The following CSRNP3 variants were observed in gnomAD, a reference collection of about 807,000 sequenced individuals.
CSRNP3 encodes cysteine and serine rich nuclear protein 3.
CSRNP3 carries 12 observed loss-of-function variants against 48.0 expected under a neutral mutation model. That is an observed-to-expected ratio of 0.25 (90% CI 0.16 to 0.41). The LOEUF (loss-of-function observed/expected upper bound fraction) is 0.41, where lower values mean the gene tolerates loss of function less well. Among genes scored for constraint, CSRNP3 ranks in the 10% least tolerant of loss-of-function variants. CSRNP3 has a pLI of 1.00. For synonymous variants in CSRNP3, 263 were observed against 269.7 expected (o/e 0.98, Z 0.24); for missense variants, 580 against 724.4 (o/e 0.80, Z 2.29).
intron 4 of CSRNP3, among the ~76,000 whole-genome samples, chr2:165,598,980 C>T (rs2105298605): frequency 6.6e-6 from 1 of 152,154 alleles, no homozygotes. Context: ...TGGCTCATGA[C>T]TATAATCCCA....
chr2:165,504,119 C>A (rs1367129908), intron 2 of CSRNP3, among the ~76,000 whole-genome samples: 2 of 151,820 alleles, frequency 1.3e-5, no homozygotes, highest in African/African-American at 4.8e-5. Context: ...ATTAATCTGG[C>A]AATGTATGTG....
intron 4 of CSRNP3, among the ~76,000 whole-genome samples, chr2:165,597,018 A>T (rs142285004): frequency 8.5e-4 from 129 of 152,318 alleles, no homozygotes; most frequent in African/African-American, 3.0e-3. Flanking sequence ...AAAAGATCAC[A>T]CAGGAGTTGA....
intron 2 of CSRNP3, among the ~76,000 whole-genome samples, chr2:165,500,615 G>A (rs1574806910): frequency 6.6e-6 from 1 of 151,640 alleles, no homozygotes; most frequent in Admixed American, 6.6e-5. Flanking sequence ...GTGCCACTAC[G>A]CCCGGCTAAT....
At chr2:165,551,883 AT>A (rs1360481995) in intron 3 of CSRNP3, among the ~76,000 whole-genome samples, 1 of 152,244 alleles carries the variant, frequency 6.6e-6, no homozygotes, top group African/African-American at 2.4e-5. Context: ...TTCAGAAAGC[AT>A]TTTTAGAGTT....
intron 3 of CSRNP3, among the ~76,000 whole-genome samples, chr2:165,577,283 C>T (rs1025311309): frequency 1.3e-5 from 2 of 151,534 alleles, no homozygotes; most frequent in Non-Finnish European, 1.5e-5. Context: ...TTTTTATTGC[C>T]TATTCTAGAA....
At chr2:165,602,677 T>C (rs979802517) in intron 4 of CSRNP3, among the ~76,000 whole-genome samples, 2 of 152,172 alleles carry the variant, frequency 1.3e-5, no homozygotes, top group East Asian at 1.9e-4. Context: ...TAATTATAAA[T>C]CAGAAATAGT....
intron 4 of CSRNP3, among the ~76,000 whole-genome samples, chr2:165,634,387 A>G (rs1305617375): frequency 6.6e-6 from 1 of 152,178 alleles, no homozygotes; most frequent in Non-Finnish European, 1.5e-5. Flanking sequence ...TGAAAAACAT[A>G]CAAAAAACAC....
chr2:165,477,584 G>T (rs1426633153), intron 1 of CSRNP3, among the ~76,000 whole-genome samples: 2 of 149,148 alleles, frequency 1.3e-5, no homozygotes, highest in African/African-American at 2.5e-5. Flanking sequence ...CAGGGGAATC[G>T]CTTGAACCCG....
At chr2:165,609,422 G>A (rs1478219465) in intron 4 of CSRNP3, among the ~76,000 whole-genome samples, 1 of 135,318 alleles carries the variant, frequency 7.4e-6, no homozygotes, top group Admixed American at 8.2e-5. Flanking sequence ...TGGCGCCACT[G>A]CACTCCAGCC....
intron 4 of CSRNP3, among the ~76,000 whole-genome samples, chr2:165,636,041 AAGGGTAAAGAAACTTGTTTATTGCTAT>A (rs1483936945): frequency 1.8e-4 from 28 of 152,336 alleles, no homozygotes; most frequent in African/African-American, 6.3e-4. Flanking sequence ...AAATACACCC[AAGGGTAAAGAAACTTGTTTATTGCTAT>A]AACCCAGTTT....
intron 3 of CSRNP3, chr2:165,572,310 A>G (rs1057083762): frequency 6.6e-6 from 1 of 152,116 alleles, no homozygotes; most frequent in Non-Finnish European, 1.5e-5. Context: ...TCTCTCAGAC[A>G]AAACTCCATG....
intron 3 of CSRNP3, among the ~76,000 whole-genome samples, chr2:165,562,134 A>T (rs139623478): frequency 6.6e-6 from 1 of 152,248 alleles, no homozygotes; most frequent in East Asian, 1.9e-4. Context: ...ACACCCCCTG[A>T]TGTACAAGTG....
intron 3 of CSRNP3, among the ~76,000 whole-genome samples, chr2:165,571,995 G>A (rs540770261): frequency 2.0e-5 from 3 of 152,000 alleles, no homozygotes; most frequent in Non-Finnish European, 4.4e-5. Context: ...ATTCAGTAGC[G>A]CAAGGCTCTT....
chr2:165,547,635 T>G (rs1685049944), intron 3 of CSRNP3, among the ~76,000 whole-genome samples: 3 of 152,090 alleles, frequency 2.0e-5, no homozygotes, highest in African/African-American at 7.2e-5. Context: ...AATGATTTCT[T>G]CTTTTAGATT....
rs551134872 is a variant in CSRNP3 at position 165,611,670 on chromosome 2, G to C, written c.148+16457G>C. ...GTTCTCACTGCAATTCTGTGAAATA[G>C]GTTCTATTTTTAATCTTAATTTTAC... On this transcript the variant is annotated intron_variant, in intron 4 of 6. Transcript: ENST00000651982. Among the ~76,000 whole-genome samples, 3 of 152,076 alleles carry C rather than the reference G, an allele frequency of 2.0e-5. No individual in the cohort carries two copies. The East Asian group carries it at 5.8e-4, about 29-fold the overall frequency.
In CSRNP3 at chr2:165,686,000, C is replaced by T. The variant is rs1161548115; in HGVS notation, c.*6247C>T. 1 of 151,998 alleles carries T rather than the reference C, an allele frequency of 6.6e-6. No individual in the cohort carries two copies. The highest frequency in any genetic ancestry group is 1.5e-5 in the Non-Finnish European group (1 of 67,952). The allele number at this position is 151,998 out of a possible 1,614,324, so 9.4% of individuals were successfully genotyped here. On this transcript the variant is annotated 3_prime_UTR_variant, in exon 7 of 7. Coordinates refer to ENST00000651982, the MANE Select transcript of CSRNP3 (RefSeq NM_001172173.2). ...AAATTTATGGTAGAAATTAGCCTTGCCATTGTCTAAGTTAATTTATGTGAC... is the reference window on the plus strand; with the variant it reads ...AAATTTATGGTAGAAATTAGCCTTGTCATTGTCTAAGTTAATTTATGTGAC...
intron 3 of CSRNP3, among the ~76,000 whole-genome samples, chr2:165,585,761 T>G (rs1374868948): frequency 6.6e-6 from 1 of 152,188 alleles, no homozygotes; most frequent in Non-Finnish European, 1.5e-5. Context: ...TTGTTTAACA[T>G]GCCTGTTGAT....
chr2:165,547,568 A>G (rs1261517440), intron 3 of CSRNP3, among the ~76,000 whole-genome samples: 1 of 151,884 alleles, frequency 6.6e-6, no homozygotes. Flanking sequence ...TGGCAGTTTG[A>G]ATTTCTTTTT....
chr2:165,653,318 G>C (rs542373748), intron 4 of CSRNP3, among the ~76,000 whole-genome samples: 1 of 152,260 alleles, frequency 6.6e-6, no homozygotes, highest in Non-Finnish European at 1.5e-5. Flanking sequence ...TTCTCACAAT[G>C]TTATGTATAA....
Sources: gnomAD v4.1 joint callset for allele counts (sites outside exome capture counted in the v4.1 genomes callset) on GRCh38, gnomAD v4.1.1 for gene constraint, MANE v1.5 for transcripts, NCBI Gene and HGNC (gene_info 2026-07-23, HGNC 2026-07-21) for gene names.